The following SLK variants were observed in gnomAD, a reference collection of about 807,000 sequenced individuals.
SLK encodes STE20-like serine/threonine-protein kinase.
A neutral mutation model predicts 147.7 loss-of-function variants in SLK; 67 were observed. That is an observed-to-expected ratio of 0.45 (90% CI 0.37 to 0.56). SLK has a LOEUF of 0.56. SLK is among the 20% of genes least tolerant of loss of function. The pLI, the probability that SLK is intolerant of heterozygous loss-of-function variation, is 0.00. For missense variants in SLK, 1,136 were observed against 1,438.8 expected, an observed-to-expected ratio of 0.79 and a Z score of 3.41; for synonymous variants, 441 against 475.0, an observed-to-expected ratio of 0.93 and a Z score of 0.93.
intron 16 of SLK, among the ~76,000 whole-genome samples, chr10:104,020,134 C>G (rs759761207): frequency 1.3e-5 from 2 of 152,190 alleles, no homozygotes; most frequent in African/African-American, 4.8e-5. Flanking sequence ...GCCCTTCCTC[C>G]TATACCCCAT....
chr10:103,981,920 G>A (rs1731839238), intron 1 of SLK, among the ~76,000 whole-genome samples: 1 of 152,126 alleles, frequency 6.6e-6, no homozygotes, highest in African/African-American at 2.4e-5. Flanking sequence ...GCTTTGGGTA[G>A]TATTGACATT....
Position 104,002,788 on chromosome 10 carries a change from C to T in SLK, c.1610C>T (p.Thr537Ile). 3 of 1,613,994 alleles carry T rather than the reference C, an allele frequency of 1.9e-6. No individual in the cohort carries two copies. The highest frequency in any genetic ancestry group is 2.5e-6 in the Non-Finnish European group (3 of 1,180,012). Residue 537 changes from threonine (T) to isoleucine (I), a missense_variant, in exon 9 of 19, where the codon ACT becomes ATT. Around this residue, in one of 6 missense-constraint regions of SLK, gnomAD observed 516 missense variants for 531.3 expected, o/e 0.97. Coordinates refer to ENST00000369755, the MANE Select transcript of SLK (RefSeq NM_014720.4). ...TQEKLGEDDK[T>I]QKDVISNTSD... ...GAGAAATTGGGGGAAGACGACAAAA[C>T]TCAAAAAGATGTGATCAGCAATACA... is the stretch of plus-strand genomic sequence containing the variant.
chr10:103,973,319 G>T (rs1843818632), intron 1 of SLK, among the ~76,000 whole-genome samples: 1 of 152,136 alleles, frequency 6.6e-6, no homozygotes, highest in South Asian at 2.1e-4. Flanking sequence ...GCAGTGCCCT[G>T]TTATGTAGCA....
intron 13 of SLK, among the ~76,000 whole-genome samples, chr10:104,011,615 C>T (rs1318739360): frequency 6.6e-6 from 1 of 150,838 alleles, no homozygotes; most frequent in Non-Finnish European, 1.5e-5. Flanking sequence ...GGCTGGAGTG[C>T]AGTGGTGTGA....
Position 103,975,404 on chromosome 10 carries a change from G to A in SLK, c.150+7509G>A, listed in dbSNP as rs1230106308. On this transcript the variant is annotated intron_variant, in intron 1 of 18. Coordinates refer to ENST00000369755, the MANE Select transcript of SLK (RefSeq NM_014720.4). The stretch of plus-strand genomic sequence containing the variant: ...CTAGAGGTCATTTTTAACACCTGTT[G>A]CTGCCTTCCCCGCCAAACCTAATTA... 2.0e-5 allele frequency among the ~76,000 whole-genome samples: 3 copies of A among 152,070 alleles called. No individual in the cohort carries two copies. The East Asian group carries it at 5.8e-4, about 29-fold the overall frequency.
At chr10:103,992,876 C>G (rs1056652425) in intron 3 of SLK, 108 bp from the exon 4 acceptor site, 2 of 775,398 alleles carry the variant, frequency 2.6e-6, no homozygotes, top group Non-Finnish European at 4.2e-6. Context: ...AAATAAATTC[C>G]CTGCATATGA....
At position 104,006,045 on chromosome 10, in the gene SLK, G is replaced by A; in HGVS notation, c.2604+10G>A. 6.2e-7 allele frequency: 1 copy of A among 1,607,688 alleles called. No individual in the cohort carries two copies. Among genetic ancestry groups the A allele is most frequent in the Non-Finnish European group, 8.5e-7 (1 of 1,178,292 alleles). ...TGAGCAGGAAATGATGGTAAAGTCT[G>A]ATTGTTATACCATTTTATATCATTT... is the stretch of plus-strand genomic sequence containing the variant. On this transcript the variant is annotated intron_variant, in intron 11 of 18. Transcript: ENST00000369755.
chr10:104,019,712 A>C, intron 15 of SLK, 22 bp from the exon 16 acceptor site: 12 of 1,583,708 alleles, frequency 7.6e-6, no homozygotes, highest in Non-Finnish European at 1.0e-5. Flanking sequence ...GCGTCACTGG[A>C]TTCTATTTAA....
At chr10:103,991,613 G>A (rs957246000) in intron 2 of SLK, among the ~76,000 whole-genome samples, 3 of 151,792 alleles carry the variant, frequency 2.0e-5, no homozygotes, top group African/African-American at 7.3e-5. Flanking sequence ...ACTTTTATGA[G>A]TCTGTTTACT....
At chr10:104,011,331 A>G (rs1369078686) in intron 13 of SLK, among the ~76,000 whole-genome samples, 3 of 152,256 alleles carry the variant, frequency 2.0e-5, no homozygotes, top group Non-Finnish European at 1.5e-5. Context: ...AAGTGCAGTT[A>G]GAAGAAAAAT....
intron 4 of SLK, among the ~76,000 whole-genome samples, chr10:103,997,533 T>A (rs1225653003): frequency 6.6e-6 from 1 of 152,180 alleles, no homozygotes. Flanking sequence ...CCATTTTACA[T>A]TTCTAACGGA....
At chr10:103,969,889 T>G (rs1441226039) in intron 1 of SLK, among the ~76,000 whole-genome samples, 1 of 152,224 alleles carries the variant, frequency 6.6e-6, no homozygotes, top group Non-Finnish European at 1.5e-5. Flanking sequence ...AAGGCAAAAA[T>G]AAATGCTCAA....
rs1385859788 is a variant in SLK, at chr10:104,005,556, C to T, written c.2350-5C>T. On this transcript the variant is annotated splice_polypyrimidine_tract_variant and splice_region_variant and intron_variant, in intron 9 of 18. Coordinates refer to ENST00000369755, the MANE Select transcript of SLK (RefSeq NM_014720.4). ...AAAGCCTAACTAAAATAAAATCTCA[C>T]TCAGGAAACAAGAAGACAAAAGAAA... is the stretch of plus-strand genomic sequence containing the variant. The T allele has an allele frequency of 6.3e-7, 1 of 1,598,686 alleles. No homozygotes were observed. The highest frequency in any genetic ancestry group is 8.5e-7 in the Non-Finnish European group (1 of 1,175,776).
At chr10:103,996,697 C>G (rs1844179995) in intron 4 of SLK, among the ~76,000 whole-genome samples, 1 of 152,068 alleles carries the variant, frequency 6.6e-6, no homozygotes, top group South Asian at 2.1e-4. Context: ...GCCCGGCCTT[C>G]TAATAAATAT....
rs567954797 is a variant in SLK, at chr10:103,979,962, C to T, written c.151-10713C>T. ...TGGTGAAGATATCCTGCTGTGTTATCTTTGTAAAGTTTTATGGTATTGCCT... is the reference window on the plus strand; with the variant it reads ...TGGTGAAGATATCCTGCTGTGTTATTTTTGTAAAGTTTTATGGTATTGCCT... On this transcript the variant is annotated intron_variant, in intron 1 of 18. Transcript: ENST00000369755. Among the ~76,000 whole-genome samples the T allele has an allele frequency of 2.0e-5, 3 of 152,176 alleles. No individual in the cohort carries two copies. In the East Asian group the frequency reaches 5.8e-4, roughly 29 times the overall value.
chr10:103,990,228 G>A (rs2134469286), intron 1 of SLK, among the ~76,000 whole-genome samples: 1 of 152,252 alleles, frequency 6.6e-6, no homozygotes, highest in African/African-American at 2.4e-5. Context: ...TTTTAGGGCA[G>A]TGAAACTATT....
chr10:103,988,338 A>G (rs1202721980), intron 1 of SLK, among the ~76,000 whole-genome samples: 1 of 152,166 alleles, frequency 6.6e-6, no homozygotes, highest in Non-Finnish European at 1.5e-5. Flanking sequence ...TCAGAGTGGC[A>G]TGTTTGAAGT....
intron 1 of SLK, among the ~76,000 whole-genome samples, chr10:103,970,460 CTG>C (rs780995399): frequency 1.1e-4 from 16 of 152,110 alleles, no homozygotes; most frequent in East Asian, 1.9e-4. Context: ...ATCTTGATGA[CTG>C]TATTTTAGTA....
chr10:104,001,286 CTCTT>C (rs1488119470), intron 7 of SLK, among the ~76,000 whole-genome samples, 154 bp from the exon 8 acceptor site: 32 of 152,154 alleles, frequency 2.1e-4, no homozygotes, highest in Admixed American at 1.9e-3. Flanking sequence ...GCCCTCTCCC[CTCTT>C]TCTTTCTCAG....
Sources: allele counts gnomAD v4.1 joint callset (sites outside exome capture counted in the v4.1 genomes callset), GRCh38; gene constraint gnomAD v4.1.1; regional missense constraint gnomAD v4.1.1; transcripts MANE v1.5; gene names NCBI Gene and HGNC (gene_info 2026-07-23, HGNC 2026-07-21).